NR3C2: variants seen among roughly 807,000 people sequenced by gnomAD.
The protein encoded by NR3C2 is mineralocorticoid receptor.
NR3C2 carries 15 observed loss-of-function variants against 86.4 expected under a neutral mutation model. The ratio of observed to expected loss-of-function variants is 0.17; its 90% CI spans 0.12 to 0.27. The LOEUF is 0.27. Ranked by LOEUF, NR3C2 falls within the 10% of genes least tolerant of loss-of-function variation. NR3C2 has a pLI of 1.00. For synonymous variants in NR3C2, 458 were observed against 450.5 expected (o/e 1.02, Z -0.21); for missense variants, 960 against 1,195.6 (o/e 0.80, Z 2.91).
At chr4:148,383,948 A>AG (rs903786034) in intron 2 of NR3C2, among the ~76,000 whole-genome samples, 14 of 95,732 alleles carry the variant, frequency 1.5e-4, no homozygotes, top group African/African-American at 5.8e-4. Flanking sequence ...ACTCTGTCTC[A>AG]GGGGAAAAAA....
At chr4:148,312,168 A>C (rs900165899) in intron 2 of NR3C2, among the ~76,000 whole-genome samples, 2 of 152,224 alleles carry the variant, frequency 1.3e-5, no homozygotes, top group Non-Finnish European at 2.9e-5. Flanking sequence ...TCTGCGAGCT[A>C]GTCATTAAAC....
intron 2 of NR3C2, among the ~76,000 whole-genome samples, chr4:148,365,215 C>A (rs987779900): frequency 6.6e-6 from 1 of 152,164 alleles, no homozygotes. Context: ...GCTAGGAAAG[C>A]CTTTCTTCCC....
In NR3C2 at chr4:148,429,234, C is replaced by T. The variant is rs549634375; in HGVS notation, c.1757+5870G>A. Among the ~76,000 whole-genome samples, 5 of 152,274 alleles carry T rather than the reference C, an allele frequency of 3.3e-5. No individual in the cohort carries two copies. The South Asian group carries it at 1.0e-3, about 32-fold the overall frequency. ...TATCTAAAGTCAATTTTGCCACTTA[C>T]GAGCCAAATTTCAGTTTCATATCAG... On this transcript the variant is annotated intron_variant, in intron 2 of 8. Transcript: ENST00000358102.
At position 148,436,335 on chromosome 4, in the gene NR3C2, C is replaced by T. The variant is rs778782224; in HGVS notation, c.526G>A (p.Val176Ile). The T allele has an allele frequency of 5.8e-5, 93 of 1,614,032 alleles. No individual in the cohort carries two copies. The highest frequency in any genetic ancestry group is 6.7e-5 in the Non-Finnish European group (79 of 1,180,046). The change falls in exon 2 of 9, where the codon GTC becomes ATC. Residue 176 changes from valine to isoleucine, a missense_variant. Coordinates refer to ENST00000358102, the MANE Select transcript of NR3C2 (RefSeq NM_000901.5). The stretch of plus-strand genomic sequence containing the variant: ...GGGCTTTTAACAACGGCGCGCATGA[C>T]GCCACCATTCACGGAGCTCCCAGAG... Reference protein sequence around the residue: ...SDSGSSVNGGVMRAVVKSPIM... With the variant: ...SDSGSSVNGGIMRAVVKSPIM...
intron 2 of NR3C2, among the ~76,000 whole-genome samples, chr4:148,420,172 C>A (rs965380899): frequency 1.2e-4 from 18 of 152,000 alleles, no homozygotes; most frequent in Non-Finnish European, 2.5e-4. Flanking sequence ...ACCTGAACAA[C>A]GAATGAAAAT....
At chr4:148,234,514 G>A (rs1208736688) in intron 3 of NR3C2, among the ~76,000 whole-genome samples, 1 of 151,768 alleles carries the variant, frequency 6.6e-6, no homozygotes, top group Non-Finnish European at 1.5e-5. Flanking sequence ...TGTATTTTTT[G>A]TACTAAAAAA....
intron 3 of NR3C2, among the ~76,000 whole-genome samples, chr4:148,233,824 T>C (rs1392021614): frequency 1.3e-5 from 2 of 152,130 alleles, no homozygotes; most frequent in Non-Finnish European, 2.9e-5. Context: ...CAAAGATCAC[T>C]GATCACTATA....
chr4:148,239,165 C>A (rs898443057), intron 3 of NR3C2, among the ~76,000 whole-genome samples: 1 of 152,172 alleles, frequency 6.6e-6, no homozygotes, highest in Non-Finnish European at 1.5e-5. Context: ...AAAGTGAAGC[C>A]AAGTAAATGT....
chr4:148,297,610 G>A (rs919191165), intron 2 of NR3C2, among the ~76,000 whole-genome samples: 1 of 151,970 alleles, frequency 6.6e-6, no homozygotes, highest in Admixed American at 6.6e-5. Flanking sequence ...AACTACAAAA[G>A]TAGACAGGTG....
At chr4:148,338,366 T>G (rs1176650676) in intron 2 of NR3C2, among the ~76,000 whole-genome samples, 4 of 152,180 alleles carry the variant, frequency 2.6e-5, no homozygotes, top group Admixed American at 2.6e-4. Context: ...TTTAAAGAGC[T>G]AAATGTTATG....
At chr4:148,417,164 A>G (rs939879298) in intron 2 of NR3C2, among the ~76,000 whole-genome samples, 2 of 152,012 alleles carry the variant, frequency 1.3e-5, no homozygotes, top group Non-Finnish European at 2.9e-5. Context: ...CTTCTTATTG[A>G]TAAGTATTAG....
chr4:148,289,024 A>C (rs1382108125), intron 2 of NR3C2, among the ~76,000 whole-genome samples: 6 of 152,152 alleles, frequency 3.9e-5, no homozygotes, highest in Non-Finnish European at 5.9e-5. Context: ...AAAGAAACTT[A>C]TGAGACATAA....
intron 2 of NR3C2, among the ~76,000 whole-genome samples, chr4:148,345,027 T>C: frequency 6.6e-6 from 1 of 152,160 alleles, no homozygotes; most frequent in East Asian, 1.9e-4. Flanking sequence ...GGATTTCTTT[T>C]TAACTGTTCT....
rs185814880 is a variant in NR3C2 at position 148,233,761 on chromosome 4, C to T, written c.1897+26217G>A. On this transcript the variant is annotated intron_variant, in intron 3 of 8. Transcript: ENST00000358102. ...TACAACATTTGTAATTTATGCTCAC[C>T]GTCTTACGTGGTCATGGTTTGTGGC... is the stretch of plus-strand genomic sequence containing the variant. Among the ~76,000 whole-genome samples, 36 of 152,130 alleles carry T rather than the reference C, an allele frequency of 2.4e-4. No homozygotes were observed. In the East Asian group the frequency reaches 3.3e-3, roughly 14 times the overall value.
chr4:148,355,923 T>C (rs1332035160), intron 2 of NR3C2, among the ~76,000 whole-genome samples: 2 of 152,190 alleles, frequency 1.3e-5, no homozygotes, highest in Non-Finnish European at 2.9e-5. Context: ...GTCATTTCCT[T>C]GTTTTTAAAA....
chr4:148,324,669 T>C (rs1261527340), intron 2 of NR3C2, among the ~76,000 whole-genome samples: 3 of 152,198 alleles, frequency 2.0e-5, no homozygotes, highest in Non-Finnish European at 2.9e-5. Context: ...GAGTAAATCT[T>C]AAGTGTTTTC....
In NR3C2 at chr4:148,435,324, T is replaced by C. The variant is rs1749990618; in HGVS notation, c.1537A>G (p.Ile513Val). Reference sequence around the variant, plus strand: ...TGTCCACCTGAATTCACCCCAACAATAGCAGAGGAAGGGATGCTGGCCTCT... The same window carrying C: ...TGTCCACCTGAATTCACCCCAACAACAGCAGAGGAAGGGATGCTGGCCTCT... ...YPEASIPSSA[I>V]VGVNSGGQSF... The change falls in exon 2 of 9, where the codon ATT becomes GTT. Residue 513 changes from isoleucine (I) to valine (V), a missense_variant. Coordinates refer to ENST00000358102, the MANE Select transcript of NR3C2 (RefSeq NM_000901.5). 1.9e-6 allele frequency: 3 copies of C among 1,614,058 alleles called. No homozygotes were observed. The highest frequency in any genetic ancestry group is 1.3e-5 in the African/African-American group (1 of 74,916).
chr4:148,371,223 A>G (rs1746402909), intron 2 of NR3C2, among the ~76,000 whole-genome samples: 1 of 152,206 alleles, frequency 6.6e-6, no homozygotes, highest in Non-Finnish European at 1.5e-5. Context: ...TTTAATATGT[A>G]CAACTATATT....
At chr4:148,419,095 C>CTTTTTTT (rs33928091) in intron 2 of NR3C2, among the ~76,000 whole-genome samples, 1 of 147,668 alleles carries the variant, frequency 6.8e-6, no homozygotes. Flanking sequence ...GTTGTTTTTC[C>CTTTTTTT]TTTTTTTTTT....
Sources: allele counts gnomAD v4.1 joint callset (sites outside exome capture counted in the v4.1 genomes callset), GRCh38; gene constraint gnomAD v4.1.1; transcripts MANE v1.5; gene names NCBI Gene and HGNC (gene_info 2026-07-23, HGNC 2026-07-21).